AMACR: variants seen among roughly 807,000 people sequenced by gnomAD.
The protein encoded by AMACR is alpha-methylacyl-CoA racemase.
A neutral mutation model predicts 22.2 loss-of-function variants in AMACR; 18 were observed. The ratio of observed to expected loss-of-function variants is 0.81; its 90% CI spans 0.56 to 1.20. The LOEUF is 1.20. AMACR is among the 50% of genes most tolerant of loss of function. The pLI, the probability that AMACR is intolerant of heterozygous loss-of-function variation, is 0.00. For synonymous variants in AMACR, 213 were observed against 191.3 expected, an observed-to-expected ratio of 1.11 and a Z score of -0.94; for missense variants, 499 against 490.6, an observed-to-expected ratio of 1.02 and a Z score of -0.16.
rs1753354728 is a variant in AMACR, at chr5:33,988,192, C to T, written c.*901G>A. ...AGTCCAGGGAAGCTCCAGGAGCAGGCTGGTTTTATGTAAAGACAATCCCGT... is the reference window on the plus strand; with the variant it reads ...AGTCCAGGGAAGCTCCAGGAGCAGGTTGGTTTTATGTAAAGACAATCCCGT... On this transcript the variant is annotated 3_prime_UTR_variant, in exon 5 of 5. Transcript: ENST00000335606. 3 of 920,286 alleles carry T rather than the reference C, an allele frequency of 3.3e-6. No individual in the cohort carries two copies. Among genetic ancestry groups the T allele is most frequent in the Admixed American group, 2.5e-5 (1 of 39,352 alleles). The allele number at this position is 920,286 out of a possible 1,614,324, so 57.0% of individuals were successfully genotyped here.
intron 4 of AMACR, among the ~76,000 whole-genome samples, chr5:33,995,312 A>G (rs900702006): frequency 6.6e-6 from 1 of 152,246 alleles, no homozygotes; most frequent in Non-Finnish European, 1.5e-5. Flanking sequence ...CAATGTGGAT[A>G]TGCCAAAGAG....
intron 4 of AMACR, among the ~76,000 whole-genome samples, chr5:33,996,660 G>T: frequency 7.5e-6 from 1 of 133,226 alleles, no homozygotes; most frequent in South Asian, 2.3e-4. Flanking sequence ...CCAGCTACTT[G>T]GGAGACTGAA....
chr5:34,007,993 C>T lies in AMACR; in HGVS notation c.27G>A (p.Val9=), dbSNP rs780679627. Residue 9 remains valine (V), a synonymous_variant, in exon 1 of 5, where the codon GTG becomes GTA. Transcript: ENST00000335606. ...GGCCCGGGGCCAGGCCGGACAGCTC[C>T]ACGACCGAGATGCCCTGCAGTGCCA... The part of the protein sequence containing the change: MALQGISV[V]ELSGLAPGPF... 1.9e-6 allele frequency: 3 copies of T among 1,611,652 alleles called. No individual in the cohort carries two copies. Among genetic ancestry groups the T allele is most frequent in the Non-Finnish European group, 2.5e-6 (3 of 1,179,780 alleles).
rs565596555 is a variant in AMACR at position 34,005,824 on chromosome 5, C to G, written c.323G>C (p.Ser108Thr). The G allele has an allele frequency of 6.8e-6, 11 of 1,614,036 alleles. No individual in the cohort carries two copies. The highest frequency in any genetic ancestry group is 1.3e-5 in the African/African-American group (1 of 74,910). The change falls in exon 2 of 5, where the codon AGT (serine) becomes ACT (threonine). Residue 108 changes from serine to threonine, a missense_variant. Physicochemically the swap from Ser to Thr is moderately conservative, Grantham distance 58 (BLOSUM62 1). Coordinates refer to ENST00000335606, the MANE Select transcript of AMACR (RefSeq NM_014324.6). ...GAAGCTTCCTGACTGGCCAAATCCA[C>G]TCAGCCTGGCATAAATAAGCCTTGG... ...ENPRLIYARL[S>T]GFGQSGSFCR...
In AMACR at chr5:33,989,120, T is replaced by C. The variant is rs1753388041; in HGVS notation, c.1122A>G (p.Glu374=). 6.2e-7 allele frequency: 1 copy of C among 1,614,198 alleles called. No individual in the cohort carries two copies. The highest frequency in any genetic ancestry group is 2.2e-5 in the East Asian group (1 of 44,880). ...AGAGACTAGCTTTTACCTTATTACT[T>C]TCAATGATTTTATCTGAGTTAAGCT... The part of the protein sequence containing the change: ...IYQLNSDKII[E]SNKVKASL Residue 374 remains glutamate, a synonymous_variant, in exon 5 of 5, where the codon GAA becomes GAG. Transcript: ENST00000335606.
chr5:33,996,042 AATCCC>A (rs1335292340), intron 4 of AMACR, among the ~76,000 whole-genome samples: 3 of 152,024 alleles, frequency 2.0e-5, no homozygotes, highest in African/African-American at 7.3e-5. Flanking sequence ...CTTCCCCCAA[AATCCC>A]ATCCCCAGAG....
Position 34,004,646 on chromosome 5 carries a change from A to C in AMACR, c.480T>G (p.Cys160Trp). The change falls in exon 3 of 5, where the codon TGT becomes TGG. Residue 160 changes from cysteine to tryptophan, a missense_variant. Transcript: ENST00000335606. ...LADFAGGGLM[C>W]ALGIIMALFD... Reference sequence around the variant, plus strand: ...AAAGAGCCATTATAATGCCCAGTGCACACATAAGGCCACCACCAGCAAAGT... The same window carrying C: ...AAAGAGCCATTATAATGCCCAGTGCCCACATAAGGCCACCACCAGCAAAGT... 1 of 1,614,232 alleles carries C rather than the reference A, an allele frequency of 6.2e-7. No individual in the cohort carries two copies. The highest frequency in any genetic ancestry group is 8.5e-7 in the Non-Finnish European group (1 of 1,180,036).
At chr5:33,997,101 G>C (rs1753661480) in intron 4 of AMACR, 13 of 760,242 alleles carry the variant, frequency 1.7e-5, no homozygotes, top group African/African-American at 3.4e-5. Flanking sequence ...GCTCTGCTGT[G>C]AGAGAGCCAA....
intron 4 of AMACR, among the ~76,000 whole-genome samples, chr5:33,995,399 T>C (rs1753604770): frequency 1.3e-5 from 2 of 152,160 alleles, no homozygotes; most frequent in African/African-American, 4.8e-5. Context: ...TAAGCCAAGG[T>C]TGCTAAAATC....
chr5:33,989,102 A>G lies in AMACR; in HGVS notation c.1140T>C (p.Ala380=). 1 of 1,614,200 alleles carries G rather than the reference A, an allele frequency of 6.2e-7. No homozygotes were observed. The highest frequency in any genetic ancestry group is 1.3e-5 in the African/African-American group (1 of 75,060). The part of the protein sequence containing the change: ...DKIIESNKVK[A]SL The stretch of plus-strand genomic sequence containing the variant: ...GCCGTGGGCCTGGAAGTTAGAGACT[A>G]GCTTTTACCTTATTACTTTCAATGA... Residue 380 remains alanine (A), a synonymous_variant, in exon 5 of 5, where the codon GCT becomes GCC. Coordinates refer to ENST00000335606, the MANE Select transcript of AMACR (RefSeq NM_014324.6).
Position 33,988,203 on chromosome 5 carries a change from TA to T in AMACR, c.*889del. ...GCTCCAGGAGCAGGCTGGTTTTATG[TA>T]AAGACAATCCCGTCTTCTTTGTCAA... On this transcript the variant is annotated 3_prime_UTR_variant, in exon 5 of 5. Transcript: ENST00000335606. The T allele has an allele frequency of 9.2e-7, 1 of 1,081,712 alleles. No individual in the cohort carries two copies. The highest frequency in any genetic ancestry group is 1.3e-6 in the Non-Finnish European group (1 of 762,148). The allele number at this position is 1,081,712 out of a possible 1,614,324, so 67.0% of individuals were successfully genotyped here. A position where few individuals can be genotyped will look rare whatever the true frequency, so the allele number is the denominator to read the frequency against.
At chr5:34,002,715 G>A (rs16892133) in intron 3 of AMACR, among the ~76,000 whole-genome samples, 3,911 of 152,006 alleles carry the variant, frequency 0.026, 81 homozygotes, top group Middle Eastern at 0.12. Context: ...GGAAGGTACC[G>A]GTCTTGAGTT....
rs2112072905 is a variant in AMACR, at chr5:34,005,915, A to T, written c.248-16T>A. The T allele has an allele frequency of 1.9e-6, 3 of 1,614,068 alleles. No homozygotes were observed. Among genetic ancestry groups the T allele is most frequent in the African/African-American group, 2.7e-5 (2 of 75,052 alleles). On this transcript the variant is annotated splice_polypyrimidine_tract_variant and intron_variant, in intron 1 of 4. Coordinates refer to ENST00000335606, the MANE Select transcript of AMACR (RefSeq NM_014324.6). ...TCCATGACACCTTAAGAGAAAAGTAACGATCTTCTTAAGAGAGTATGAATT... is the reference window on the plus strand; with the variant it reads ...TCCATGACACCTTAAGAGAAAAGTATCGATCTTCTTAAGAGAGTATGAATT...
intron 4 of AMACR, among the ~76,000 whole-genome samples, chr5:33,994,555 G>C (rs1252793456): frequency 1.3e-5 from 2 of 152,146 alleles, no homozygotes; most frequent in African/African-American, 2.4e-5. Flanking sequence ...ATTAGTAAAA[G>C]TACTATTTTT....
intron 1 of AMACR, among the ~76,000 whole-genome samples, chr5:34,006,789 C>T (rs1753993016): frequency 1.3e-5 from 2 of 152,222 alleles, no homozygotes; most frequent in Admixed American, 1.3e-4. Flanking sequence ...CCGGCTGTGC[C>T]GTAGGCATTC....
At chr5:33,991,694 T>C (rs1024426517) in intron 4 of AMACR, among the ~76,000 whole-genome samples, 1 of 150,682 alleles carries the variant, frequency 6.6e-6, no homozygotes, top group Non-Finnish European at 1.5e-5. Flanking sequence ...TATTCAATGA[T>C]ATATGTCCAG....
chr5:34,004,926 T>G (rs1378323111), intron 2 of AMACR, among the ~76,000 whole-genome samples, 192 bp from the exon 3 acceptor site: 1 of 152,230 alleles, frequency 6.6e-6, no homozygotes, highest in African/African-American at 2.4e-5. Flanking sequence ...ACAGGATCCT[T>G]GTTTTGTTGT....
chr5:33,993,618 C>G (rs1447801845), intron 4 of AMACR, among the ~76,000 whole-genome samples: 1 of 152,144 alleles, frequency 6.6e-6, no homozygotes, highest in Non-Finnish European at 1.5e-5. Flanking sequence ...AGTTTGAAGG[C>G]CAGGAGTGGT....
In AMACR at chr5:33,998,736, C is replaced by T. The variant is rs772033898; in HGVS notation, c.644G>A (p.Gly215Asp). 4.3e-6 allele frequency: 7 copies of T among 1,613,986 alleles called. No individual in the cohort carries two copies. The South Asian group carries it at 4.4e-5, about 10-fold the overall frequency. ...GTAAGTCGTATAGAAAGGTGCTCCA[C>T]CATCCAACATGTTCTGTCCTCGAGG... The part of the protein sequence containing the change: ...EAPRGQNMLD[G>D]GAPFYTTYRT... Residue 215 changes from glycine to aspartate, a missense_variant, in exon 4 of 5, where the codon GGT (glycine) becomes GAT (aspartate). Coordinates refer to ENST00000335606, the MANE Select transcript of AMACR (RefSeq NM_014324.6).
Sources: allele counts gnomAD v4.1 joint callset (sites outside exome capture counted in the v4.1 genomes callset), GRCh38; gene constraint gnomAD v4.1.1; transcripts MANE v1.5; gene names NCBI Gene and HGNC (gene_info 2026-07-23, HGNC 2026-07-21).